Variants in CYRIA observed in about 807,000 individuals in gnomAD.
CYRIA encodes CYFIP related Rac1 interactor A.
In CYRIA, 15 loss-of-function variants were observed where a neutral mutation model predicts 43.9. That is an observed-to-expected ratio of 0.34 (90% CI 0.23 to 0.53). The LOEUF (loss-of-function observed/expected upper bound fraction) is 0.53. CYRIA is among the 20% of genes least tolerant of loss of function. The pLI, the probability that CYRIA is intolerant of heterozygous loss-of-function variation, is 0.94. For missense variants in CYRIA, 236 were observed against 394.2 expected, an observed-to-expected ratio of 0.60 and a Z score of 3.40; for synonymous variants, 117 against 136.0, an observed-to-expected ratio of 0.86 and a Z score of 0.97.
chr2:16,612,825 T>C (rs1205051050), intron 2 of CYRIA, among the ~76,000 whole-genome samples: 1 of 152,178 alleles, frequency 6.6e-6, no homozygotes, highest in African/African-American at 2.4e-5. Context: ...CAAAATCTCA[T>C]CTGGAATTGT....
At chr2:16,592,241 A>T (rs1667958412) in intron 2 of CYRIA, among the ~76,000 whole-genome samples, 1 of 152,146 alleles carries the variant, frequency 6.6e-6, no homozygotes, top group African/African-American at 2.4e-5. Flanking sequence ...AATATCTGAA[A>T]TTCAAAACAC....
At chr2:16,593,686 T>TTG (rs201335187) in intron 2 of CYRIA, among the ~76,000 whole-genome samples, 1,548 of 134,804 alleles carry the variant, frequency 0.011, 58 homozygotes, top group Middle Eastern at 0.023. Flanking sequence ...CTTTATTTTT[T>TTG]TGTGTGTGTG....
intron 3 of CYRIA, among the ~76,000 whole-genome samples, chr2:16,574,269 A>G (rs1417963845): frequency 6.6e-6 from 1 of 152,200 alleles, no homozygotes; most frequent in Non-Finnish European, 1.5e-5. Context: ...GAAATTTCTA[A>G]GCAGCAAAGC....
At chr2:16,625,608 A>G (rs1002027656) in intron 1 of CYRIA, 2 of 152,214 alleles carry the variant, frequency 1.3e-5, no homozygotes, top group Non-Finnish European at 2.9e-5. Context: ...GGGGTCCACA[A>G]ATTCCACTTC....
At position 16,565,639 on chromosome 2, in the gene CYRIA, G is replaced by T; in HGVS notation, c.192+7C>A. ...GTGTTGTCAGTTCAGCGTGATCATT[G>T]ACATACATCTCGGATCTCTGGGCCT... is the stretch of plus-strand genomic sequence containing the variant. On this transcript the variant is annotated splice_region_variant and intron_variant, in intron 4 of 11. Transcript: ENST00000381323. 2 of 1,554,300 alleles carry T rather than the reference G, an allele frequency of 1.3e-6. No individual in the cohort carries two copies. The highest frequency in any genetic ancestry group is 2.3e-5 in the South Asian group (2 of 85,140).
intron 3 of CYRIA, among the ~76,000 whole-genome samples, chr2:16,572,532 G>A (rs544135576): frequency 6.6e-5 from 10 of 152,106 alleles, no homozygotes; most frequent in Non-Finnish European, 1.5e-4. Flanking sequence ...AAGAACAGAT[G>A]AAAGAAGAAA....
chr2:16,620,958 A>G (rs1668973822), intron 2 of CYRIA, among the ~76,000 whole-genome samples: 1 of 152,192 alleles, frequency 6.6e-6, no homozygotes, highest in Non-Finnish European at 1.5e-5. Context: ...AGAAGCTTCC[A>G]TGGTTCCACC....
intron 10 of CYRIA, among the ~76,000 whole-genome samples, chr2:16,557,156 T>C (rs762000045): frequency 1.3e-5 from 2 of 152,166 alleles, no homozygotes; most frequent in Non-Finnish European, 2.9e-5. Flanking sequence ...CATTCACAAT[T>C]AGCATTTCTT....
chr2:16,612,285 A>T (rs912084830), intron 2 of CYRIA, among the ~76,000 whole-genome samples: 1 of 151,970 alleles, frequency 6.6e-6, no homozygotes, highest in Non-Finnish European at 1.5e-5. Context: ...GAAAGAGGGA[A>T]GGAAAGGAGG....
intron 1 of CYRIA, among the ~76,000 whole-genome samples, chr2:16,665,211 A>G (rs1670357904): frequency 6.6e-6 from 1 of 152,132 alleles, no homozygotes. Context: ...GCCTTTTGCC[A>G]AACTGGGGTT....
intron 2 of CYRIA, among the ~76,000 whole-genome samples, chr2:16,601,401 G>A (rs935249228): frequency 6.6e-6 from 1 of 152,136 alleles, no homozygotes; most frequent in Non-Finnish European, 1.5e-5. Flanking sequence ...TCTTCCTCAA[G>A]ATTCATTTAC....
chr2:16,613,932 T>C (rs1291505728), intron 2 of CYRIA, among the ~76,000 whole-genome samples: 1 of 152,228 alleles, frequency 6.6e-6, no homozygotes, highest in Non-Finnish European at 1.5e-5. Context: ...GAAACGTGAA[T>C]AGACTTAGCC....
At chr2:16,641,709 G>A (rs1669682545) in intron 1 of CYRIA, among the ~76,000 whole-genome samples, 1 of 152,236 alleles carries the variant, frequency 6.6e-6, no homozygotes, top group African/African-American at 2.4e-5. Flanking sequence ...AAGTGAGCGT[G>A]CCTGCAGGAT....
At chr2:16,662,935 T>G (rs1163031206) in intron 1 of CYRIA, among the ~76,000 whole-genome samples, 2 of 152,254 alleles carry the variant, frequency 1.3e-5, no homozygotes, top group African/African-American at 4.8e-5. Context: ...CTGCTCATTT[T>G]TCGAACCCCT....
chr2:16,643,664 T>C (rs1302649604), intron 1 of CYRIA, among the ~76,000 whole-genome samples: 1 of 152,232 alleles, frequency 6.6e-6, no homozygotes, highest in Non-Finnish European at 1.5e-5. Flanking sequence ...TCTATCTGTA[T>C]TCGCCCACAA....
rs926193085 is a variant in CYRIA, at chr2:16,561,055, T to G, written c.645A>C (p.Pro215=). The part of the protein sequence containing the change: ...MHFVSENKTL[P]IENTTDCLST... ...TGAGGCAGTCTGTGGTGTTCTCTATTGGCAGAGTTTTGTTCTAAATGGGAG... is the reference window on the plus strand; with the variant it reads ...TGAGGCAGTCTGTGGTGTTCTCTATGGGCAGAGTTTTGTTCTAAATGGGAG... The change falls in exon 9 of 12, where the codon CCA becomes CCC. Residue 215 remains proline (P), a synonymous_variant. Transcript: ENST00000381323. 3 of 1,613,664 alleles carry G rather than the reference T, an allele frequency of 1.9e-6. No individual in the cohort carries two copies. The highest frequency in any genetic ancestry group is 2.2e-5 in the South Asian group (2 of 91,084).
intron 3 of CYRIA, among the ~76,000 whole-genome samples, chr2:16,575,882 T>TA (rs578029857): frequency 1.3e-5 from 2 of 148,916 alleles, no homozygotes; most frequent in African/African-American, 5.0e-5. Context: ...ATAAATAAAA[T>TA]AAATAAATAA....
chr2:16,655,236 C>T lies in CYRIA; in HGVS notation c.-167+10544G>A, dbSNP rs1259274919. Among the ~76,000 whole-genome samples the T allele has an allele frequency of 2.0e-5, 3 of 152,226 alleles. No individual in the cohort carries two copies. The East Asian group carries it at 5.8e-4, about 29-fold the overall frequency. On this transcript the variant is annotated intron_variant, in intron 1 of 11. Coordinates refer to ENST00000381323, the MANE Select transcript of CYRIA (RefSeq NM_030797.4). Reference sequence around the variant, plus strand: ...TAATTGCAGGCCAGAGCTGAACAATCTCCTCTTCCATCTTGAGAATGCCTC... The same window carrying T: ...TAATTGCAGGCCAGAGCTGAACAATTTCCTCTTCCATCTTGAGAATGCCTC...
chr2:16,568,098 C>T (rs1667006146), intron 3 of CYRIA, among the ~76,000 whole-genome samples: 1 of 152,012 alleles, frequency 6.6e-6, no homozygotes, highest in Non-Finnish European at 1.5e-5. Flanking sequence ...TGAAATGCTC[C>T]AACATCTGAA....
Sources: gnomAD v4.1 joint callset for allele counts (sites outside exome capture counted in the v4.1 genomes callset) on GRCh38, gnomAD v4.1.1 for gene constraint, MANE v1.5 for transcripts, NCBI Gene and HGNC (gene_info 2026-07-23, HGNC 2026-07-21) for gene names.